TYW1: variants seen among roughly 807,000 people sequenced by gnomAD.
TYW1 encodes S-adenosyl-L-methionine-dependent tRNA 4-demethylwyosine synthase TYW1.
TYW1 carries 46 observed loss-of-function variants against 96.2 expected under a neutral mutation model. The ratio of observed to expected loss-of-function variants is 0.48; its 90% CI spans 0.38 to 0.61. The LOEUF (loss-of-function observed/expected upper bound fraction) is 0.61, where lower values mean the gene tolerates loss of function less well. Among genes scored for constraint, TYW1 ranks in the 20% least tolerant of loss-of-function variants. The pLI is 0.00. For synonymous variants in TYW1, 274 were observed against 323.0 expected (o/e 0.85, Z 1.63); for missense variants, 684 against 909.6 (o/e 0.75, Z 3.19).
At chr7:67,152,012 A>G (rs561708900) in intron 13 of TYW1, among the ~76,000 whole-genome samples, 1 of 152,024 alleles carries the variant, frequency 6.6e-6, no homozygotes, top group East Asian at 1.9e-4. Flanking sequence ...AGGTCTTGCT[A>G]TGTTGTGCAG....
intron 15 of TYW1, among the ~76,000 whole-genome samples, chr7:67,236,514 G>T (rs2116457892): frequency 6.6e-6 from 1 of 152,318 alleles, no homozygotes; most frequent in East Asian, 1.9e-4. Flanking sequence ...TCGAGGCTCA[G>T]TGCCTGGGAA....
In TYW1 at chr7:67,136,689, A is replaced by G. The variant is rs112525208; in HGVS notation, c.1698+19071A>G. On this transcript the variant is annotated intron_variant, in intron 13 of 15. Coordinates refer to ENST00000359626, the MANE Select transcript of TYW1 (RefSeq NM_018264.4). ...TGTGTGTGTGTGTGTGTGTGTGTATATATATATATGCTGACATCACTATAT... is the reference window on the plus strand; with the variant it reads ...TGTGTGTGTGTGTGTGTGTGTGTATGTATATATATGCTGACATCACTATAT... 1.7e-4 allele frequency among the ~76,000 whole-genome samples: 25 copies of G among 149,214 alleles called. No homozygotes were observed. In the East Asian group the frequency reaches 3.5e-3, roughly 21 times the overall value.
chr7:67,175,331 C>T (rs568728096), intron 13 of TYW1, among the ~76,000 whole-genome samples: 1 of 152,178 alleles, frequency 6.6e-6, no homozygotes, highest in Admixed American at 6.5e-5. Flanking sequence ...GCCATCATGC[C>T]CAGCTAATTT....
chr7:67,211,309 T>C (rs1801013697), intron 15 of TYW1, among the ~76,000 whole-genome samples: 1 of 152,076 alleles, frequency 6.6e-6, no homozygotes, highest in South Asian at 2.1e-4. Context: ...GTGAAAGCGA[T>C]ACAAATTCAG....
intron 15 of TYW1, among the ~76,000 whole-genome samples, chr7:67,205,795 C>CTT (rs35166102): frequency 0.27 from 39,923 of 149,116 alleles, 5,566 homozygotes; most frequent in African/African-American, 0.36. Flanking sequence ...ACTTGGGACT[C>CTT]TTTTTTTTTT....
chr7:67,171,150 A>G (rs1799501926), intron 13 of TYW1, among the ~76,000 whole-genome samples: 1 of 152,036 alleles, frequency 6.6e-6, no homozygotes, highest in South Asian at 2.1e-4. Flanking sequence ...GAATTTGTCC[A>G]TTTAATTTAG....
intron 11 of TYW1, among the ~76,000 whole-genome samples, chr7:67,093,953 A>C (rs890263519): frequency 1.3e-5 from 2 of 152,238 alleles, no homozygotes; most frequent in African/African-American, 4.8e-5. Flanking sequence ...CCATTACTCA[A>C]ATAGTGAACA....
chr7:67,081,125 G>T (rs1412390427), intron 10 of TYW1, among the ~76,000 whole-genome samples: 1 of 150,614 alleles, frequency 6.6e-6, no homozygotes, highest in East Asian at 1.9e-4. Flanking sequence ...TTTCTTGTAA[G>T]GCCAGTCTAG....
At chr7:67,143,301 T>C (rs1456657397) in intron 13 of TYW1, among the ~76,000 whole-genome samples, 1 of 152,130 alleles carries the variant, frequency 6.6e-6, no homozygotes, top group Non-Finnish European at 1.5e-5. Flanking sequence ...TGGTGAGAAG[T>C]GCTGGGCTAC....
At chr7:67,202,783 C>G (rs1416749448) in intron 15 of TYW1, among the ~76,000 whole-genome samples, 9 of 152,178 alleles carry the variant, frequency 5.9e-5, no homozygotes, top group Non-Finnish European at 8.8e-5. Context: ...CTTTCCTATT[C>G]TTACACCAAG....
chr7:66,998,684 AT>A (rs201116481), intron 2 of TYW1, 132 bp from the exon 3 acceptor site: 2 of 1,088,694 alleles, frequency 1.8e-6, no homozygotes, highest in Non-Finnish European at 2.6e-6. Flanking sequence ...AACCAGAAAG[AT>A]TAAGAGAAAA....
intron 13 of TYW1, among the ~76,000 whole-genome samples, chr7:67,131,337 A>G (rs543121042): frequency 1.3e-5 from 2 of 152,344 alleles, no homozygotes; most frequent in Non-Finnish European, 1.5e-5. Context: ...ATTTTTGTGT[A>G]TATGATTAAA....
intron 14 of TYW1, among the ~76,000 whole-genome samples, chr7:67,191,893 T>TTTTTG (rs1159682682): frequency 2.9e-5 from 4 of 138,900 alleles, no homozygotes; most frequent in Admixed American, 7.4e-5. Flanking sequence ...TGTTGTTTGG[T>TTTTTG]TTTTGTTTTG....
intron 13 of TYW1, among the ~76,000 whole-genome samples, chr7:67,135,301 A>ATTTTT (rs1798211585): frequency 1.4e-4 from 16 of 112,288 alleles, no homozygotes; most frequent in Non-Finnish European, 2.0e-4. Context: ...ATGTTAAAAC[A>ATTTTT]GTTTTTTTTT....
intron 11 of TYW1, among the ~76,000 whole-genome samples, chr7:67,092,674 CT>C (rs3980762): frequency 2.4e-3 from 224 of 92,414 alleles, no homozygotes; most frequent in African/African-American, 2.9e-3. Context: ...CTATCACCTT[CT>C]TTTTTTTTTT....
chr7:67,013,739 C>CTTTTTTTTTT (rs931500833), intron 4 of TYW1, among the ~76,000 whole-genome samples: 1 of 97,516 alleles, frequency 1.0e-5, no homozygotes, highest in African/African-American at 4.3e-5. Context: ...GCATTTTTTC[C>CTTTTTTTTTT]TTTTTTTTTT....
At chr7:67,175,039 G>C (rs1799625679) in intron 13 of TYW1, among the ~76,000 whole-genome samples, 1 of 151,372 alleles carries the variant, frequency 6.6e-6, no homozygotes, top group Non-Finnish European at 1.5e-5. Context: ...GAAACTCCAG[G>C]CCCAGATGAT....
intron 11 of TYW1, among the ~76,000 whole-genome samples, chr7:67,086,906 A>G (rs1436119888): frequency 2.0e-5 from 3 of 152,186 alleles, no homozygotes; most frequent in Non-Finnish European, 2.9e-5. Context: ...TTATTTTTAT[A>G]TGAAGTTGAT....
chr7:67,114,093 G>C (rs1797515031), intron 12 of TYW1, among the ~76,000 whole-genome samples: 2 of 152,218 alleles, frequency 1.3e-5, no homozygotes, highest in Admixed American at 1.3e-4. Flanking sequence ...ACAGCAGAGT[G>C]TGCCAGCTCG....
Sources: gnomAD v4.1 joint callset for allele counts (sites outside exome capture counted in the v4.1 genomes callset) on GRCh38, gnomAD v4.1.1 for gene constraint, MANE v1.5 for transcripts, NCBI Gene and HGNC (gene_info 2026-07-23, HGNC 2026-07-21) for gene names.